LHFPL3: variants seen among roughly 807,000 people sequenced by gnomAD.
The protein encoded by LHFPL3 is LHFPL tetraspan subfamily member 3, also known as LHFPL tetraspan subfamily member 3 protein.
A neutral mutation model predicts 19.3 loss-of-function variants in LHFPL3; 5 were observed. That is an observed-to-expected ratio of 0.26 (90% CI 0.14 to 0.54). The LOEUF is 0.54. LHFPL3 is among the 20% of genes least tolerant of loss of function. The pLI, the probability that LHFPL3 is intolerant of heterozygous loss-of-function variation, is 0.94. For synonymous variants in LHFPL3, 133 were observed against 126.2 expected (o/e 1.05, Z -0.36); for missense variants, 249 against 307.4 (o/e 0.81, Z 1.42).
chr7:104,633,904 A>G (rs1047249856), intron 1 of LHFPL3, among the ~76,000 whole-genome samples: 1 of 152,062 alleles, frequency 6.6e-6, no homozygotes, highest in Non-Finnish European at 1.5e-5. Flanking sequence ...CTTGCTACCC[A>G]TTTTGTGGGT....
chr7:104,386,287 T>C (rs1790941118), intron 1 of LHFPL3, among the ~76,000 whole-genome samples: 2 of 152,206 alleles, frequency 1.3e-5, no homozygotes, highest in South Asian at 4.1e-4. Context: ...TCACAGGGAA[T>C]TGTCATTATC....
intron 1 of LHFPL3, among the ~76,000 whole-genome samples, chr7:104,441,760 G>C (rs1792228593): frequency 1.3e-5 from 2 of 152,052 alleles, no homozygotes; most frequent in Admixed American, 6.6e-5. Flanking sequence ...ATTTTTAGTA[G>C]AGTTGGGGTT....
At chr7:104,839,735 C>T (rs1791160397) in intron 2 of LHFPL3, among the ~76,000 whole-genome samples, 1 of 152,026 alleles carries the variant, frequency 6.6e-6, no homozygotes, top group African/African-American at 2.4e-5. Flanking sequence ...GAGGCTCGCA[C>T]CTGTAACACT....
intron 1 of LHFPL3, among the ~76,000 whole-genome samples, chr7:104,650,061 T>A (rs1019383975): frequency 6.6e-6 from 1 of 152,164 alleles, no homozygotes; most frequent in African/African-American, 2.4e-5. Flanking sequence ...CCTGTTTTAT[T>A]CCCATTCAAG....
intron 1 of LHFPL3, among the ~76,000 whole-genome samples, chr7:104,640,812 C>A (rs552108161): frequency 1.3e-5 from 2 of 152,162 alleles, no homozygotes; most frequent in Non-Finnish European, 2.9e-5. Context: ...TTGCAGTTTT[C>A]CTTATTCCCT....
chr7:104,467,576 G>A (rs982046625), intron 1 of LHFPL3, among the ~76,000 whole-genome samples: 6 of 152,144 alleles, frequency 3.9e-5, no homozygotes, highest in East Asian at 1.9e-4. Flanking sequence ...TATTATCCCC[G>A]TATTAGATTG....
chr7:104,623,174 T>C (rs1427850583), intron 1 of LHFPL3: 1 of 169,542 alleles, frequency 5.9e-6, no homozygotes, highest in African/African-American at 2.4e-5. Flanking sequence ...TAATTTGATA[T>C]CCGATTTGCA....
intron 1 of LHFPL3, among the ~76,000 whole-genome samples, chr7:104,576,172 T>C (rs1393933242): frequency 6.6e-6 from 1 of 151,644 alleles, no homozygotes; most frequent in Non-Finnish European, 1.5e-5. Context: ...AAAAAAAAAT[T>C]AGAAAAAAGA....
chr7:104,715,867 T>C (rs1793375409), intron 1 of LHFPL3, among the ~76,000 whole-genome samples: 1 of 152,202 alleles, frequency 6.6e-6, no homozygotes. Context: ...CCTTGTGGTG[T>C]CTTTGCCTGG....
At chr7:104,602,648 G>C (rs1790992511) in intron 1 of LHFPL3, among the ~76,000 whole-genome samples, 1 of 152,194 alleles carries the variant, frequency 6.6e-6, no homozygotes, top group Admixed American at 6.5e-5. Flanking sequence ...GTCAGTAGAA[G>C]AGTTTCATTC....
At chr7:104,568,091 C>T (rs1336462780) in intron 1 of LHFPL3, among the ~76,000 whole-genome samples, 1 of 152,134 alleles carries the variant, frequency 6.6e-6, no homozygotes, top group African/African-American at 2.4e-5. Context: ...CCGCACCTCT[C>T]CTATGGACTC....
At chr7:104,664,889 T>A (rs908150435) in intron 1 of LHFPL3, among the ~76,000 whole-genome samples, 4 of 152,176 alleles carry the variant, frequency 2.6e-5, no homozygotes, top group Admixed American at 1.3e-4. Context: ...GGAAATGTAG[T>A]CCCTGGCTGG....
intron 1 of LHFPL3, among the ~76,000 whole-genome samples, chr7:104,537,429 G>GGTTTT (rs1172932543): frequency 6.6e-6 from 1 of 152,040 alleles, no homozygotes; most frequent in East Asian, 1.9e-4. Flanking sequence ...AGGCAACCTT[G>GGTTTT]GTTTTGTTTT....
intron 1 of LHFPL3, among the ~76,000 whole-genome samples, chr7:104,347,086 C>T (rs1400643770): frequency 6.6e-6 from 1 of 151,762 alleles, no homozygotes; most frequent in East Asian, 1.9e-4. Context: ...TATCTCAGAT[C>T]TGGTACACAG....
At chr7:104,524,354 TCTTGACCTCGAGAAGCTGAGG>T (rs1393623694) in intron 1 of LHFPL3, among the ~76,000 whole-genome samples, 1 of 152,010 alleles carries the variant, frequency 6.6e-6, no homozygotes, top group Non-Finnish European at 1.5e-5. Flanking sequence ...GTTAAAGAGA[TCTTGACCTCGAGAAGCTGAGG>T]CTTAAAGCAT....
chr7:104,650,815 T>C (rs771728327), intron 1 of LHFPL3, among the ~76,000 whole-genome samples: 1 of 152,118 alleles, frequency 6.6e-6, no homozygotes, highest in Non-Finnish European at 1.5e-5. Context: ...AAACAGGCCA[T>C]TAAAGCAAAA....
At chr7:104,570,709 G>A (rs1790215532) in intron 1 of LHFPL3, among the ~76,000 whole-genome samples, 1 of 151,772 alleles carries the variant, frequency 6.6e-6, no homozygotes, top group South Asian at 2.1e-4. Context: ...TTTTAGGTTC[G>A]GGGGTACCTG....
At chr7:104,755,545 CTCTG>C (rs1365725792) in intron 2 of LHFPL3, among the ~76,000 whole-genome samples, 1 of 151,530 alleles carries the variant, frequency 6.6e-6, no homozygotes, top group Non-Finnish European at 1.5e-5. Context: ...CTGTCTCTCT[CTCTG>C]TCTCTCTTTC....
chr7:104,348,906 G>A (rs1044905567), intron 1 of LHFPL3, among the ~76,000 whole-genome samples: 1 of 152,302 alleles, frequency 6.6e-6, no homozygotes, highest in East Asian at 1.9e-4. Flanking sequence ...CAAGAGGAAG[G>A]CTGATCAGGC....
Sources: allele counts gnomAD v4.1 joint callset (sites outside exome capture counted in the v4.1 genomes callset), GRCh38; gene constraint gnomAD v4.1.1; transcripts MANE v1.5; gene names NCBI Gene and HGNC (gene_info 2026-07-23, HGNC 2026-07-21).